Variants in APBB2 observed in about 807,000 individuals in gnomAD.
The protein encoded by APBB2 is amyloid beta precursor protein binding family B member 2.
Under a neutral mutation model 82.5 loss-of-function variants are expected in APBB2, and 38 were observed. The observed-to-expected ratio is 0.46, with a 90% CI of 0.36 to 0.60. The LOEUF is 0.60. APBB2 is among the 20% of genes least tolerant of loss of function. The probability of loss-of-function intolerance (pLI) is 0.00; values close to 1 mark genes in which losing one functional copy is unlikely to be tolerated. For synonymous variants in APBB2, 341 were observed against 368.2 expected (o/e 0.93, Z 0.85); for missense variants, 772 against 972.3 (o/e 0.79, Z 2.74).
chr4:41,043,841 C>G (rs1333081325), intron 4 of APBB2, among the ~76,000 whole-genome samples: 9 of 152,112 alleles, frequency 5.9e-5, no homozygotes, highest in Admixed American at 5.9e-4. Flanking sequence ...TTCCTTACAA[C>G]TTATTTGTTG....
intron 4 of APBB2, among the ~76,000 whole-genome samples, chr4:41,035,006 TG>T (rs1718598756): frequency 6.6e-6 from 1 of 151,790 alleles, no homozygotes; most frequent in Non-Finnish European, 1.5e-5. Context: ...ATGATGGGGG[TG>T]GGGTAGGGAA....
At chr4:40,977,698 TA>T (rs1797532005) in intron 6 of APBB2, among the ~76,000 whole-genome samples, 1 of 152,152 alleles carries the variant, frequency 6.6e-6, no homozygotes, top group Non-Finnish European at 1.5e-5. Flanking sequence ...CACACACATA[TA>T]AAACACATGG....
chr4:41,115,154 T>C (rs1750554896), intron 2 of APBB2, among the ~76,000 whole-genome samples: 1 of 152,082 alleles, frequency 6.6e-6, no homozygotes, highest in South Asian at 2.1e-4. Context: ...AACAAAGGCA[T>C]CAGAAATAAC....
At chr4:41,101,687 C>T (rs1352879946) in intron 2 of APBB2, among the ~76,000 whole-genome samples, 4 of 151,974 alleles carry the variant, frequency 2.6e-5, no homozygotes, top group Non-Finnish European at 2.9e-5. Context: ...AGGCCAGGCA[C>T]GGTGGCTCAC....
At chr4:40,817,150 G>A (rs1746011455) in intron 17 of APBB2, among the ~76,000 whole-genome samples, 1 of 151,950 alleles carries the variant, frequency 6.6e-6, no homozygotes, top group African/African-American at 2.4e-5. Context: ...TTTCACTCCT[G>A]TAATCCTAGC....
At chr4:40,961,667 TAAAAAA>T (rs60942744) in intron 6 of APBB2, among the ~76,000 whole-genome samples, 2,426 of 68,056 alleles carry the variant, frequency 0.036, 6 homozygotes, top group African/African-American at 0.12. Flanking sequence ...AAAAAAGATG[TAAAAAA>T]AAAAAAAAAA....
chr4:41,041,988 A>G (rs1464137967), intron 4 of APBB2, among the ~76,000 whole-genome samples: 1 of 151,922 alleles, frequency 6.6e-6, no homozygotes, highest in Non-Finnish European at 1.5e-5. Flanking sequence ...CTGATCTCCA[A>G]CTTTCTTTTT....
chr4:41,171,699 T>C (rs1768303955), intron 1 of APBB2, among the ~76,000 whole-genome samples: 1 of 152,234 alleles, frequency 6.6e-6, no homozygotes, highest in Non-Finnish European at 1.5e-5. Context: ...GGCTCATGCC[T>C]GTAATCCCAG....
At position 40,814,265 on chromosome 4, in the gene APBB2, G is replaced by A. The variant is rs1217570965; in HGVS notation, c.*1827C>T. ...ATAGGGCACCATCATGAATACCACT[G>A]CGTAAGGAATTTGGACATCTTTCTC... is the stretch of plus-strand genomic sequence containing the variant. On this transcript the variant is annotated 3_prime_UTR_variant, in exon 18 of 18. Transcript: ENST00000508593. The A allele has an allele frequency of 1.3e-5, 2 of 152,232 alleles. No individual in the cohort carries two copies. The highest frequency in any genetic ancestry group is 2.9e-5 in the Non-Finnish European group (2 of 68,052). 9.4% of individuals were successfully genotyped at this position (152,232 alleles called of 1,614,324 possible). A position where few individuals can be genotyped will look rare whatever the true frequency, so the allele number is the denominator to read the frequency against.
chr4:40,982,754 G>A (rs1438472295), intron 6 of APBB2, among the ~76,000 whole-genome samples: 3 of 150,696 alleles, frequency 2.0e-5, no homozygotes, highest in African/African-American at 7.3e-5. Context: ...TCACGCCACT[G>A]CACACCAGCC....
chr4:41,206,947 C>T (rs1580837392), intron 1 of APBB2, among the ~76,000 whole-genome samples: 2 of 152,196 alleles, frequency 1.3e-5, no homozygotes, highest in South Asian at 2.1e-4. Flanking sequence ...CCTGTAATCC[C>T]AGCACTTTGA....
chr4:40,905,246 A>G (rs1459159820), intron 10 of APBB2, among the ~76,000 whole-genome samples: 9 of 152,150 alleles, frequency 5.9e-5, no homozygotes, highest in Non-Finnish European at 1.3e-4. Flanking sequence ...CATGAAGGGC[A>G]GTTCCCAGCC....
intron 10 of APBB2, among the ~76,000 whole-genome samples, chr4:40,904,121 C>G (rs576470973): frequency 1.3e-5 from 2 of 152,224 alleles, no homozygotes; most frequent in African/African-American, 4.8e-5. Context: ...TTTCACCACC[C>G]AGGTTTCACT....
intron 7 of APBB2, among the ~76,000 whole-genome samples, chr4:40,942,075 A>T (rs1578613240): frequency 6.6e-6 from 1 of 152,210 alleles, no homozygotes; most frequent in Non-Finnish European, 1.5e-5. Context: ...TCTTTTCCCC[A>T]GTTCTCCTAT....
chr4:41,119,079 C>T (rs1353314481), intron 2 of APBB2, among the ~76,000 whole-genome samples: 1 of 151,674 alleles, frequency 6.6e-6, no homozygotes, highest in Admixed American at 6.6e-5. Context: ...GTTGAGGCTG[C>T]GGCAAACCGA....
At position 41,042,418 on chromosome 4, in the gene APBB2, C is replaced by T. The variant is rs537489818; in HGVS notation, c.-50-9114G>A. Among the ~76,000 whole-genome samples the T allele has an allele frequency of 3.3e-5, 5 of 152,290 alleles. No individual in the cohort carries two copies. In the East Asian group the frequency reaches 7.7e-4, roughly 23 times the overall value. ...CAACTATAGAGGACTAAGTTAATGA[C>T]CCCAATCAACAGCGTCTCTGCATCC... On this transcript the variant is annotated intron_variant, in intron 4 of 17. Coordinates refer to ENST00000508593, the MANE Select transcript of APBB2 (RefSeq NM_004307.2).
chr4:40,961,667 T>TAAAAAAAAAAAAAAAAAAAAAAAAAAAA (rs60942744), intron 6 of APBB2, among the ~76,000 whole-genome samples: 13 of 68,248 alleles, frequency 1.9e-4, no homozygotes, highest in African/African-American at 2.4e-4. Flanking sequence ...AAAAAAGATG[T>TAAAAAAAAAAAAAAAAAAAAAAAAAAAA]AAAAAAAAAA....
At chr4:40,994,087 A>T (rs1802926794) in intron 6 of APBB2, among the ~76,000 whole-genome samples, 1 of 151,870 alleles carries the variant, frequency 6.6e-6, no homozygotes, top group African/African-American at 2.4e-5. Flanking sequence ...CAGAAGATCA[A>T]GACCATCCTG....
chr4:41,118,982 T>C (rs549186612), intron 2 of APBB2, among the ~76,000 whole-genome samples: 30 of 151,924 alleles, frequency 2.0e-4, no homozygotes, highest in Non-Finnish European at 4.0e-4. Flanking sequence ...TCTACAAAAA[T>C]ACAAAAATTA....
Sources: allele counts gnomAD v4.1 joint callset (sites outside exome capture counted in the v4.1 genomes callset), GRCh38; gene constraint gnomAD v4.1.1; transcripts MANE v1.5; gene names NCBI Gene and HGNC (gene_info 2026-07-23, HGNC 2026-07-21).